The following SLC2A13 variants were observed in gnomAD, a reference collection of about 807,000 sequenced individuals.
The protein encoded by SLC2A13 is proton myo-inositol cotransporter.
A neutral mutation model predicts 64.4 loss-of-function variants in SLC2A13; 32 were observed. The ratio of observed to expected loss-of-function variants is 0.50; its 90% CI spans 0.37 to 0.67. The LOEUF (loss-of-function observed/expected upper bound fraction) is 0.67, where lower values mean the gene tolerates loss of function less well. Ranked by LOEUF, SLC2A13 falls within the 30% of genes least tolerant of loss-of-function variation. SLC2A13 has a pLI of 0.00. For missense variants in SLC2A13, 743 were observed against 829.2 expected (o/e 0.90, Z 1.28); for synonymous variants, 338 against 327.1 (o/e 1.03, Z -0.36).
chr12:39,968,070 C>A (rs1946555307), intron 3 of SLC2A13, among the ~76,000 whole-genome samples: 1 of 152,124 alleles, frequency 6.6e-6, no homozygotes, highest in Non-Finnish European at 1.5e-5. Flanking sequence ...TTAGTCTATT[C>A]TCATATTGCT....
intron 3 of SLC2A13, among the ~76,000 whole-genome samples, chr12:40,013,540 A>G (rs1225787044): frequency 6.6e-6 from 1 of 152,252 alleles, no homozygotes; most frequent in East Asian, 1.9e-4. Flanking sequence ...CTAGATATTA[A>G]GTAACACCCA....
At chr12:39,991,551 A>G (rs997019774) in intron 3 of SLC2A13, among the ~76,000 whole-genome samples, 1 of 152,084 alleles carries the variant, frequency 6.6e-6, no homozygotes, top group African/African-American at 2.4e-5. Context: ...CTTGATCTGT[A>G]TTGGTTGGTT....
chr12:40,105,460 C>G lies in SLC2A13; in HGVS notation c.349G>C (p.Ala117Pro). The G allele has an allele frequency of 6.4e-7, 1 of 1,561,198 alleles. No individual in the cohort carries two copies. Among genetic ancestry groups the G allele is most frequent in the South Asian group, 1.2e-5 (1 of 85,438 alleles). ...GACACCAGCAGCTCCTGCCACAGCGCGTCCAGACTGAGCTGCCGCTTGAGC... is the reference window on the plus strand; with the variant it reads ...GACACCAGCAGCTCCTGCCACAGCGGGTCCAGACTGAGCTGCCGCTTGAGC... The part of the protein sequence containing the change: ...LLLKRQLSLD[A>P]LWQELLVSST... Residue 117 changes from alanine to proline, a missense_variant, in exon 1 of 10, where the codon GCG becomes CCG. Ala to Pro is a conservative substitution (Grantham distance 27, BLOSUM62 -1). Around this residue, in one of 2 missense-constraint regions of SLC2A13, gnomAD observed 448 missense variants for 447.4 expected, o/e 1.00. Coordinates refer to ENST00000280871, the MANE Select transcript of SLC2A13 (RefSeq NM_052885.4). The surrounding 1 kb of genome is among the most constrained non-coding windows in gnomAD (Gnocchi z 4.2).
intron 6 of SLC2A13, among the ~76,000 whole-genome samples, chr12:39,851,120 G>A (rs905844316): frequency 1.2e-4 from 19 of 152,112 alleles, no homozygotes; most frequent in East Asian, 1.9e-4. Flanking sequence ...GGCTGGTCTC[G>A]AACTCCCGAC....
intron 3 of SLC2A13, among the ~76,000 whole-genome samples, chr12:40,008,909 A>G (rs1947471184): frequency 1.3e-5 from 2 of 152,228 alleles, no homozygotes; most frequent in Non-Finnish European, 2.9e-5. Flanking sequence ...TGATACCCCC[A>G]AATGTAATGC....
At chr12:39,839,202 G>C (rs1943112176) in intron 6 of SLC2A13, among the ~76,000 whole-genome samples, 1 of 152,160 alleles carries the variant, frequency 6.6e-6, no homozygotes. Context: ...ACTACCAGTC[G>C]GGACAGCGAC....
At chr12:39,809,375 T>G (rs1942075974) in intron 7 of SLC2A13, among the ~76,000 whole-genome samples, 1 of 152,252 alleles carries the variant, frequency 6.6e-6, no homozygotes, top group South Asian at 2.1e-4. Flanking sequence ...GTTTTGGCCA[T>G]TCCAGTTCTT....
intron 1 of SLC2A13, among the ~76,000 whole-genome samples, chr12:40,059,967 TG>T (rs1218431268): frequency 6.6e-6 from 1 of 152,138 alleles, no homozygotes; most frequent in African/African-American, 2.4e-5. Flanking sequence ...TTCTGTTTCC[TG>T]ATCCTACTTC....
chr12:39,760,134 T>C lies in SLC2A13; in HGVS notation c.1839A>G (p.Leu613=), dbSNP rs752139566. Residue 613 remains leucine (L), a synonymous_variant, in exon 10 of 10, where the codon CTA becomes CTG. Transcript: ENST00000280871. ...EEIESLFDNR[L]CTCGTSDSDE... ...CAGAATCTGAAGTGCCACATGTACA[T>C]AGCCTGTTGTCAAAGAGTGATTCAA... is the stretch of plus-strand genomic sequence containing the variant. 8.7e-6 allele frequency: 14 copies of C among 1,612,858 alleles called. No individual in the cohort carries two copies. The highest frequency in any genetic ancestry group is 1.3e-5 in the African/African-American group (1 of 74,846).
chr12:39,873,415 T>A (rs963774642), intron 4 of SLC2A13, among the ~76,000 whole-genome samples: 1 of 152,196 alleles, frequency 6.6e-6, no homozygotes, highest in Non-Finnish European at 1.5e-5. Flanking sequence ...ATATACATTT[T>A]CATAAAGACC....
intron 4 of SLC2A13, among the ~76,000 whole-genome samples, chr12:39,901,128 C>T (rs1251121879): frequency 6.6e-6 from 1 of 152,146 alleles, no homozygotes; most frequent in Non-Finnish European, 1.5e-5. Flanking sequence ...GGAAAACTGG[C>T]TAGCCATATG....
chr12:39,820,494 T>C (rs1942460104), intron 7 of SLC2A13, among the ~76,000 whole-genome samples: 1 of 152,042 alleles, frequency 6.6e-6, no homozygotes, highest in Admixed American at 6.5e-5. Context: ...AGTGGAAAAC[T>C]ATTTTGTTTA....
At chr12:39,805,140 G>A (rs1310927671) in intron 7 of SLC2A13, among the ~76,000 whole-genome samples, 2 of 152,048 alleles carry the variant, frequency 1.3e-5, no homozygotes, top group Admixed American at 6.5e-5. Context: ...GCAAGGGCAG[G>A]CCAGGCCAGG....
At chr12:39,896,529 C>CATGT (rs201668365) in intron 4 of SLC2A13, among the ~76,000 whole-genome samples, 7 of 140,198 alleles carry the variant, frequency 5.0e-5, no homozygotes, top group Admixed American at 1.5e-4. Flanking sequence ...TACATGTATA[C>CATGT]ATGTATGTAT....
chr12:39,905,981 C>T (rs1945264941), intron 4 of SLC2A13, among the ~76,000 whole-genome samples: 1 of 151,776 alleles, frequency 6.6e-6, no homozygotes. Context: ...TTTTGTTTCC[C>T]TATTGAAATA....
chr12:39,864,922 A>C (rs376198816), intron 5 of SLC2A13, 40 bp from the exon 6 acceptor site: 95 of 1,574,798 alleles, frequency 6.0e-5, no homozygotes, highest in Non-Finnish European at 8.1e-5. Context: ...AGAGTTGACA[A>C]TATTGTTTTA....
intron 4 of SLC2A13, among the ~76,000 whole-genome samples, chr12:39,931,589 T>G (rs1245896184): frequency 6.6e-6 from 1 of 152,214 alleles, no homozygotes; most frequent in Non-Finnish European, 1.5e-5. Flanking sequence ...TCTATGATAG[T>G]AATGACAGAT....
chr12:39,928,686 A>T (rs1435913562), intron 4 of SLC2A13, among the ~76,000 whole-genome samples: 3 of 152,170 alleles, frequency 2.0e-5, no homozygotes, highest in Non-Finnish European at 4.4e-5. Context: ...CACTAAAATG[A>T]CTATAAAGTA....
At chr12:39,844,132 T>C (rs1175548952) in intron 6 of SLC2A13, among the ~76,000 whole-genome samples, 3 of 152,114 alleles carry the variant, frequency 2.0e-5, no homozygotes, top group African/African-American at 4.8e-5. Context: ...GATGTGTCCC[T>C]AAAAAGCTGT....
Sources: allele counts gnomAD v4.1 joint callset (sites outside exome capture counted in the v4.1 genomes callset), GRCh38; gene constraint gnomAD v4.1.1; regional missense constraint gnomAD v4.1.1; non-coding constraint Gnocchi (gnomAD v3.1); transcripts MANE v1.5; gene names NCBI Gene and HGNC (gene_info 2026-07-23, HGNC 2026-07-21).